Variants in RFFL observed in about 807,000 individuals in gnomAD.
The protein encoded by RFFL is E3 ubiquitin-protein ligase rififylin.
A neutral mutation model predicts 40.4 loss-of-function variants in RFFL; 16 were observed. That is an observed-to-expected ratio of 0.40 (90% CI 0.27 to 0.60). The LOEUF (loss-of-function observed/expected upper bound fraction) is 0.60, where lower values mean the gene tolerates loss of function less well. Ranked by LOEUF, RFFL falls within the 20% of genes least tolerant of loss-of-function variation. The pLI is 0.47. For synonymous variants in RFFL, 154 were observed against 167.9 expected, an observed-to-expected ratio of 0.92 and a Z score of 0.64; for missense variants, 367 against 451.7, an observed-to-expected ratio of 0.81 and a Z score of 1.70.
Position 35,021,427 on chromosome 17 carries a change from A to G in RFFL, c.535T>C (p.Ser179Pro), listed in dbSNP as rs1433112898. The change falls in exon 3 of 7, where the codon TCT becomes CCT. Residue 179 changes from serine to proline, a missense_variant. Ser to Pro is a moderately conservative substitution (Grantham distance 74). Transcript: ENST00000394597. ...MVPPTSPNLPSSSAQATSVPP... is the reference protein window; with the variant it reads ...MVPPTSPNLPPSSAQATSVPP... ...ACAGAGGTGGCTTGTGCAGATGAAG[A>G]GGGGAGGTTGGGTGAGGTAGGTGGA... 3 of 1,538,206 alleles carry G rather than the reference A, an allele frequency of 2.0e-6. No homozygotes were observed. The highest frequency in any genetic ancestry group is 2.6e-6 in the Non-Finnish European group (3 of 1,146,124).
intron 1 of RFFL, among the ~76,000 whole-genome samples, chr17:35,062,374 G>C (rs944793870): frequency 1.6e-4 from 25 of 152,038 alleles, no homozygotes; most frequent in African/African-American, 6.0e-4. Flanking sequence ...CTGCACTGCA[G>C]CCTGGGTGAC....
At chr17:35,070,986 C>T (rs2091345804) in intron 1 of RFFL, among the ~76,000 whole-genome samples, 1 of 151,976 alleles carries the variant, frequency 6.6e-6, no homozygotes, top group Non-Finnish European at 1.5e-5. Context: ...TGCTTGAGGC[C>T]AGGAGTTCGA....
intron 1 of RFFL, among the ~76,000 whole-genome samples, chr17:35,059,507 C>T (rs1738714729): frequency 6.6e-6 from 1 of 152,178 alleles, no homozygotes. Flanking sequence ...CCCACAAAAT[C>T]ATAGGCAATA....
Position 35,038,063 on chromosome 17 carries a change from G to A in RFFL, c.-8-11502C>T, listed in dbSNP as rs1237558126. Among the ~76,000 whole-genome samples the A allele has an allele frequency of 7.2e-5, 11 of 152,202 alleles. No homozygotes were observed. The East Asian group carries it at 1.5e-3, about 21-fold the overall frequency. On this transcript the variant is annotated intron_variant, in intron 1 of 6. Coordinates refer to ENST00000394597, the MANE Select transcript of RFFL (RefSeq NM_001017368.2). ...AGCACTTTGGGAGGCTAAGTCGGAC[G>A]GATCACCTGAGGTCAGAAGTTCGAG...
intron 1 of RFFL, among the ~76,000 whole-genome samples, chr17:35,038,373 T>G (rs1337371172): frequency 6.6e-6 from 1 of 152,028 alleles, no homozygotes; most frequent in African/African-American, 2.4e-5. Flanking sequence ...TTTGGAAATT[T>G]TGTGTGTGTG....
chr17:35,026,285 A>G, intron 2 of RFFL, 89 bp downstream of exon 2: 1 of 1,296,056 alleles, frequency 7.7e-7, no homozygotes, highest in Non-Finnish European at 1.1e-6. Context: ...CAGGGAAAGG[A>G]AAGGTTGCAG....
intron 4 of RFFL, 81 bp from the exon 5 acceptor site, chr17:35,016,661 A>G: frequency 8.6e-7 from 1 of 1,156,356 alleles, no homozygotes; most frequent in Admixed American, 2.0e-5. Flanking sequence ...AGCAGTCACC[A>G]CATCATAATT....
At position 35,027,979 on chromosome 17, in the gene RFFL, C is replaced by T. The variant is rs540560566; in HGVS notation, c.-8-1418G>A. Among the ~76,000 whole-genome samples, 13 of 150,322 alleles carry T rather than the reference C, an allele frequency of 8.6e-5. No individual in the cohort carries two copies. The East Asian group carries it at 2.1e-3, about 25-fold the overall frequency. On this transcript the variant is annotated intron_variant, in intron 1 of 6. Transcript: ENST00000394597. ...ACTCATGAGGCAGAGATTGCAGTGA[C>T]GGGAGATCGTGCCATTGCACTCCAG... is the stretch of plus-strand genomic sequence containing the variant.
intron 3 of RFFL, among the ~76,000 whole-genome samples, chr17:35,020,856 G>A (rs1002425218): frequency 1.3e-5 from 2 of 152,158 alleles, no homozygotes; most frequent in Admixed American, 6.5e-5. Flanking sequence ...CAAGTACAGC[G>A]TGCCAACTAC....
In RFFL at chr17:35,006,451, T is replaced by C. The variant is rs894499742; in HGVS notation, c.*5517A>G. On this transcript the variant is annotated 3_prime_UTR_variant, in exon 7 of 7. Transcript: ENST00000394597. ...ACATCTAAGCCTCAATCCCTCCAAG[T>C]AGAATGGGTGCACCTAAATCATAGG... 9.9e-5 allele frequency: 15 copies of C among 152,280 alleles called. No individual in the cohort carries two copies. Among genetic ancestry groups the C allele is most frequent in the African/African-American group, 3.4e-4 (14 of 41,438 alleles). The allele number at this position is 152,280 out of a possible 1,614,324, so 9.4% of individuals were successfully genotyped here.
chr17:35,028,260 G>C (rs912808320), intron 1 of RFFL, among the ~76,000 whole-genome samples: 1 of 151,590 alleles, frequency 6.6e-6, no homozygotes, highest in Non-Finnish European at 1.5e-5. Flanking sequence ...ACTTAAGCCT[G>C]AGAGGCGGAG....
At chr17:35,087,918 C>A (rs2091438952) in intron 1 of RFFL, among the ~76,000 whole-genome samples, 1 of 152,188 alleles carries the variant, frequency 6.6e-6, no homozygotes. Flanking sequence ...GGAGCTGCCA[C>A]GGCTAGGCTG....
rs1384049088 is a variant in RFFL at position 35,009,655 on chromosome 17, A to G, written c.*2313T>C. On this transcript the variant is annotated 3_prime_UTR_variant, in exon 7 of 7. Coordinates refer to ENST00000394597, the MANE Select transcript of RFFL (RefSeq NM_001017368.2). Reference sequence around the variant, plus strand: ...AGGGAAACCTTCACCAAAAGGGGATAAAAGATTTAAAGGCAAAATGAGTAA... The same window carrying G: ...AGGGAAACCTTCACCAAAAGGGGATGAAAGATTTAAAGGCAAAATGAGTAA... 6.6e-6 allele frequency: 1 copy of G among 152,078 alleles called. No homozygotes were observed. Among genetic ancestry groups the G allele is most frequent in the East Asian group, 1.9e-4 (1 of 5,196 alleles). The allele number at this position is 152,078 out of a possible 1,614,324, so 9.4% of individuals were successfully genotyped here. A position where few individuals can be genotyped will look rare whatever the true frequency, so the allele number is the denominator to read the frequency against.
intron 1 of RFFL, among the ~76,000 whole-genome samples, chr17:35,039,472 C>A (rs1195156270): frequency 6.6e-6 from 1 of 152,156 alleles, no homozygotes; most frequent in East Asian, 1.9e-4. Context: ...CCCACCTCGG[C>A]CTCCCAAAGT....
chr17:35,042,172 T>C (rs2091170431), intron 1 of RFFL: 1 of 152,200 alleles, frequency 6.6e-6, no homozygotes, highest in Admixed American at 6.5e-5. Flanking sequence ...AGCTGATTTA[T>C]ACCAACAGCA....
At chr17:35,028,684 C>A (rs995207854) in intron 1 of RFFL, among the ~76,000 whole-genome samples, 7 of 152,066 alleles carry the variant, frequency 4.6e-5, no homozygotes, top group East Asian at 3.8e-4. Flanking sequence ...ATTGTTTTAA[C>A]AAGGGCACTT....
rs1567697855 is a variant in RFFL at position 35,008,633 on chromosome 17, TTTTTG to T, written c.*3330_*3334del. 6.6e-6 allele frequency: 1 copy of T among 152,042 alleles called. No individual in the cohort carries two copies. Among genetic ancestry groups the T allele is most frequent in the African/African-American group, 2.4e-5 (1 of 41,374 alleles). 9.4% of individuals were successfully genotyped at this position (152,042 alleles called of 1,614,324 possible). On this transcript the variant is annotated 3_prime_UTR_variant, in exon 7 of 7. Coordinates refer to ENST00000394597, the MANE Select transcript of RFFL (RefSeq NM_001017368.2). Reference sequence around the variant, plus strand: ...TTTTTGGGTTTTTTGTTTGTGTTTTTTTTTGTTTTGTTTTTTGAGACAGAGTCTCG... The same window carrying T: ...TTTTTGGGTTTTTTGTTTGTGTTTTTTTTTGTTTTTTGAGACAGAGTCTCG...
intron 1 of RFFL, among the ~76,000 whole-genome samples, chr17:35,051,802 C>T (rs539676757): frequency 6.6e-6 from 1 of 152,308 alleles, no homozygotes; most frequent in Admixed American, 6.5e-5. Context: ...ACAGCCCTTT[C>T]GTGAACACTG....
intron 3 of RFFL, among the ~76,000 whole-genome samples, chr17:35,020,041 CTAAG>C (rs1413034500): frequency 1.3e-5 from 2 of 152,212 alleles, no homozygotes; most frequent in Non-Finnish European, 2.9e-5. Context: ...TATACCAGCT[CTAAG>C]TAACTCAGAG....
Sources: allele counts gnomAD v4.1 joint callset (sites outside exome capture counted in the v4.1 genomes callset), GRCh38; gene constraint gnomAD v4.1.1; transcripts MANE v1.5; gene names NCBI Gene and HGNC (gene_info 2026-07-23, HGNC 2026-07-21).